The following HUWE1 variants were observed in gnomAD, a reference collection of about 807,000 sequenced individuals.
The protein encoded by HUWE1 is E3 ubiquitin-protein ligase HUWE1.
In HUWE1, 18 loss-of-function variants were observed where a neutral mutation model predicts 299.4. The observed-to-expected ratio is 0.06, with a 90% confidence interval of 0.04 to 0.09. The LOEUF (loss-of-function observed/expected upper bound fraction) is 0.09, where lower values mean the gene tolerates loss of function less well. Ranked by LOEUF, HUWE1 falls within the 10% of genes least tolerant of loss-of-function variation. HUWE1 has a pLI of 1.00. For missense variants in HUWE1, 1,832 were observed against 3,462.3 expected (o/e 0.53, Z 11.82); for synonymous variants, 1,317 against 1,286.1 (o/e 1.02, Z -0.51).
intron 43 of HUWE1, among the ~76,000 whole-genome samples, chrX:53,579,031 G>C (rs1261315940): frequency 1.3e-4 from 7 of 54,923 alleles, no homozygotes; most frequent in East Asian, 6.7e-4. Context: ...GAGGGAGGCG[G>C]GGGGGGGGGT....
At chrX:53,538,807 C>T (rs1556915734) in intron 76 of HUWE1, 28 bp downstream of exon 76, 16 of 1,189,041 alleles carry the variant, frequency 1.3e-5, no homozygotes, top group Middle Eastern at 2.5e-4. Context: ...AAGCCTTCTA[C>T]ACCTGGCAGC....
chrX:53,616,631 A>G (rs782433991), intron 21 of HUWE1, among the ~76,000 whole-genome samples: 4 of 111,586 alleles, frequency 3.6e-5, no homozygotes, highest in Non-Finnish European at 7.5e-5. Flanking sequence ...TATCTTAGAG[A>G]GTTGGACATC....
At chrX:53,534,902 A>G (rs1556910586) in intron 81 of HUWE1, among the ~76,000 whole-genome samples, 1 of 109,431 alleles carries the variant, frequency 9.1e-6, no homozygotes, top group African/African-American at 3.3e-5. Context: ...CTAGGATTAC[A>G]AATGTGAGCC....
In HUWE1 at chrX:53,532,539, C is replaced by G. The variant is rs1325753258; in HGVS notation, c.*770G>C. ...CAATCTCTAACACCATCACCATCCC[C>G]AAGTGCAGCTCCCATTCTAAAAAAA... On this transcript the variant is annotated 3_prime_UTR_variant, in exon 84 of 84. Coordinates refer to ENST00000262854, the MANE Select transcript of HUWE1 (RefSeq NM_031407.7). 3.7e-5 allele frequency: 4 copies of G among 108,030 alleles called. No individual in the cohort carries two copies. The highest frequency in any genetic ancestry group is 8.1e-4 in the South Asian group (2 of 2,484). 8.9% of individuals were successfully genotyped at this position (108,030 alleles called of 1,213,427 possible).
chrX:53,622,659 G>A (rs1267509055), intron 19 of HUWE1, among the ~76,000 whole-genome samples: 7 of 111,785 alleles, frequency 6.3e-5, no homozygotes, highest in Non-Finnish European at 1.3e-4. Flanking sequence ...TATGATAGTT[G>A]ATAACAGACT....
At chrX:53,614,950 T>C (rs1369693126) in intron 22 of HUWE1, among the ~76,000 whole-genome samples, 1 of 110,284 alleles carries the variant, frequency 9.1e-6, no homozygotes, top group African/African-American at 3.3e-5. Flanking sequence ...AAATAATTTG[T>C]TGAGCGTCAC....
chrX:53,542,662 TG>T, intron 73 of HUWE1, 123 bp from the exon 74 acceptor site: 3 of 527,859 alleles, frequency 5.7e-6, no homozygotes, highest in Non-Finnish European at 3.4e-6. Flanking sequence ...CATATTTGGG[TG>T]GGGAAAACTG....
intron 26 of HUWE1, among the ~76,000 whole-genome samples, chrX:53,603,806 T>C (rs2039512646): frequency 8.9e-6 from 1 of 112,622 alleles, no homozygotes; most frequent in South Asian, 3.6e-4. Flanking sequence ...CATTAACTAC[T>C]TTCTAAATTA....
intron 3 of HUWE1, among the ~76,000 whole-genome samples, chrX:53,660,305 G>T (rs957596220): frequency 8.9e-6 from 1 of 111,901 alleles, no homozygotes; most frequent in African/African-American, 3.3e-5. Flanking sequence ...TTGCATGAGT[G>T]GCGCTAGACT....
At chrX:53,585,222 C>A (rs2148331769) in intron 39 of HUWE1, 34 bp from the exon 40 acceptor site, 3 of 1,185,398 alleles carry the variant, frequency 2.5e-6, no homozygotes, top group Non-Finnish European at 3.4e-6. Context: ...CTTTGTATTT[C>A]TTTCAAGGTT....
rs781836604 is a variant in HUWE1, at chrX:53,578,247, G to A, written c.5717-1180C>T. Among the ~76,000 whole-genome samples the A allele has an allele frequency of 1.1e-3, 119 of 104,973 alleles. 1 individual carries two copies. The highest frequency in any genetic ancestry group is 2.0e-3 in the Non-Finnish European group (101 of 50,354). 91.2% of individuals were successfully genotyped at this position (104,973 alleles called of 115,157 possible). On this transcript the variant is annotated intron_variant, in intron 43 of 83. Transcript: ENST00000262854. ...TGGGAGGTGAGGAGCGTCTCTGCCC[G>A]GCCGCCGCCCCGTCTGAGAAGTGAG...
At chrX:53,562,660 T>A (rs1057198246) in intron 53 of HUWE1, among the ~76,000 whole-genome samples, 171 bp downstream of exon 53, 2 of 112,224 alleles carry the variant, frequency 1.8e-5, no homozygotes, top group African/African-American at 6.5e-5. Context: ...AGTAGTAACA[T>A]GTTATTTGAA....
rs1274759625 is a variant in HUWE1, at chrX:53,533,075, G to C, written c.*234C>G. ...CTGCCTTTTTAAAACACATGGGGTGGGGATCATGGACGGCATGGAAAGGGG... is the reference window on the plus strand; with the variant it reads ...CTGCCTTTTTAAAACACATGGGGTGCGGATCATGGACGGCATGGAAAGGGG... On this transcript the variant is annotated 3_prime_UTR_variant, in exon 84 of 84. Transcript: ENST00000262854. 3 of 418,992 alleles carry C rather than the reference G, an allele frequency of 7.2e-6. No homozygotes were observed. The highest frequency in any genetic ancestry group is 8.4e-5 in the Admixed American group (2 of 23,718). 34.5% of individuals were successfully genotyped at this position (418,992 alleles called of 1,213,427 possible).
intron 83 of HUWE1, chrX:53,533,616 C>T (rs1251373955): frequency 4.3e-6 from 2 of 460,232 alleles, no homozygotes; most frequent in Non-Finnish European, 3.9e-6. Context: ...AAAATCTGAC[C>T]CTGTCACTCC....
chrX:53,686,304 G>T lies in HUWE1; in HGVS notation c.-197C>A, dbSNP rs1483771672. ...CCTCTGTCAGCCGCTCTCTCGCCGCGCCGCCGGCAGCTGCCGGGCTGCCCC... is the reference window on the plus strand; with the variant it reads ...CCTCTGTCAGCCGCTCTCTCGCCGCTCCGCCGGCAGCTGCCGGGCTGCCCC... On this transcript the variant is annotated 5_prime_UTR_variant, in exon 2 of 84. Transcript: ENST00000262854. 1 of 113,152 alleles carries T rather than the reference G, an allele frequency of 8.8e-6. No individual in the cohort carries two copies. The highest frequency in any genetic ancestry group is 3.2e-5 in the African/African-American group (1 of 31,078). The allele number at this position is 113,152 out of a possible 1,213,427, so 9.3% of individuals were successfully genotyped here.
rs1426884677 is a variant in HUWE1 at position 53,550,723 on chromosome X, C to T, written c.9431G>A (p.Arg3144His). Residue 3144 changes from arginine to histidine, a missense_variant, in exon 66 of 84, where the codon CGC (arginine) becomes CAC (histidine). Physicochemically the swap from Arg to His is conservative, Grantham distance 29. Transcript: ENST00000262854. ...LSGNRGVQYT[R>H]LAVQRGGTFQ... Reference sequence around the variant, plus strand: ...GGTGCCACCTCTCTGCACAGCAAGGCGAGTATACTGGACCCCACGGTTGCC... The same window carrying T: ...GGTGCCACCTCTCTGCACAGCAAGGTGAGTATACTGGACCCCACGGTTGCC... 5 of 1,209,783 alleles carry T rather than the reference C, an allele frequency of 4.1e-6. No individual in the cohort carries two copies. The highest frequency in any genetic ancestry group is 5.6e-6 in the Non-Finnish European group (5 of 895,191).
At chrX:53,573,605 G>A (rs1446400356) in intron 47 of HUWE1, 145 bp downstream of exon 47, 6 of 523,095 alleles carry the variant, frequency 1.1e-5, no homozygotes, top group African/African-American at 1.1e-4. Context: ...ACCGCACCCG[G>A]CCTTGCATGT....
chrX:53,642,025 AT>A (rs1283192884), intron 7 of HUWE1, among the ~76,000 whole-genome samples: 1 of 111,258 alleles, frequency 9.0e-6, no homozygotes, highest in African/African-American at 3.3e-5. Flanking sequence ...ACACACACAC[AT>A]TTTTTCCCTA....
At chrX:53,538,316 C>T in intron 77 of HUWE1, 21 bp downstream of exon 77, 1 of 1,091,633 alleles carries the variant, frequency 9.2e-7, no homozygotes, top group African/African-American at 1.8e-5. Flanking sequence ...CCCTCTACCC[C>T]CCAATATCCA....
Sources: gnomAD v4.1 joint callset for allele counts (sites outside exome capture counted in the v4.1 genomes callset) on GRCh38, gnomAD v4.1.1 for gene constraint, MANE v1.5 for transcripts, NCBI Gene and HGNC (gene_info 2026-07-23, HGNC 2026-07-21) for gene names.